The following KMT2B variants were observed in gnomAD, a reference collection of about 807,000 sequenced individuals.
KMT2B encodes the protein histone-lysine N-methyltransferase 2B.
Under a neutral mutation model 255.3 loss-of-function variants are expected in KMT2B, and 22 were observed. The observed-to-expected ratio is 0.09, with a 90% CI of 0.06 to 0.12. The LOEUF (loss-of-function observed/expected upper bound fraction) is 0.12. KMT2B is among the 10% of genes least tolerant of loss of function. KMT2B has a pLI of 1.00. For missense variants in KMT2B, 3,149 were observed against 3,737.0 expected (o/e 0.84, Z 4.10); for synonymous variants, 1,730 against 1,498.1 (o/e 1.15, Z -3.57).
At chr19:35,730,940 T>C in intron 26 of KMT2B, 73 bp downstream of exon 26, 2 of 1,455,220 alleles carry the variant, frequency 1.4e-6, no homozygotes, top group Non-Finnish European at 1.8e-6. Context: ...TGTTCCCCGC[T>C]CCCTTTTGGA....
At position 35,720,947 on chromosome 19, in the gene KMT2B, G is replaced by T. The variant is rs1417474038; in HGVS notation, c.1600G>T (p.Ala534Ser). The change falls in exon 3 of 37, where the codon GCC (alanine) becomes TCC (serine). Residue 534 changes from alanine (A) to serine (S), a missense_variant. Physicochemically the swap from Ala to Ser is moderately conservative, Grantham distance 99. Coordinates refer to ENST00000420124, the MANE Select transcript of KMT2B (RefSeq NM_014727.3). ...IRQFIMPVVS[A>S]RSSRVIKTPR... ...GCAGTTTATTATGCCTGTGGTGAGT[G>T]CCCGCTCCTCCCGTGTCATCAAGAC... is the stretch of plus-strand genomic sequence containing the variant. The T allele has an allele frequency of 1.9e-6, 3 of 1,611,940 alleles. No homozygotes were observed. The highest frequency in any genetic ancestry group is 2.5e-6 in the Non-Finnish European group (3 of 1,179,292).
intron 23 of KMT2B, 35 bp downstream of exon 23, chr19:35,730,160 C>T (rs575147393): frequency 8.1e-6 from 13 of 1,612,376 alleles, no homozygotes; most frequent in Admixed American, 6.7e-5. Flanking sequence ...GGTTCCTTCC[C>T]CACCTCTCTT....
rs1226047761 is a variant in KMT2B at position 35,737,163 on chromosome 19, C to T, written c.7450C>T (p.Arg2484Cys). ...GGCCGAGCAGCTCCCCGGAGCCCAG[C>T]GTTGCCAGCACTATAAGTTCCGTTA... ...FLAEQLPGAQ[R>C]CQHYKFRYHQ... Residue 2484 changes from arginine (R) to cysteine (C), a missense_variant, in exon 33 of 37, where the codon CGT (arginine) becomes TGT (cysteine). Transcript: ENST00000420124. This position sits in a 1 kb window ranked among gnomAD's most constrained non-coding sequence, Gnocchi z 5.3. The T allele has an allele frequency of 3.1e-6, 5 of 1,608,448 alleles. No individual in the cohort carries two copies. The highest frequency in any genetic ancestry group is 2.2e-5 in the East Asian group (1 of 44,636).
chr19:35,721,209 C>CAA lies in KMT2B; in HGVS notation c.1862_1863insAA (p.Pro622IlefsTer39). On this transcript the variant is annotated frameshift_variant, in exon 3 of 37. Coordinates refer to ENST00000420124, the MANE Select transcript of KMT2B (RefSeq NM_014727.3). LOFTEE classifies it high-confidence loss of function. ...TCACTGACCCGGGAGCTGCCCCCTC[C>CAA]TCCCCCAGCCCCTCCACCTCCCCCG... The CAA allele has an allele frequency of 6.6e-7, 1 of 1,516,566 alleles. No homozygotes were observed. The highest frequency in any genetic ancestry group is 8.9e-7 in the Non-Finnish European group (1 of 1,126,514). 93.9% of individuals were successfully genotyped at this position (1,516,566 alleles called of 1,614,324 possible). A position where few individuals can be genotyped will look rare whatever the true frequency, so the allele number is the denominator to read the frequency against.
In KMT2B at chr19:35,721,504, G is replaced by A. The variant is rs1599672437; in HGVS notation, c.2157G>A (p.Val719=). The A allele has an allele frequency of 6.2e-7, 1 of 1,612,254 alleles. No individual in the cohort carries two copies. Among genetic ancestry groups the A allele is most frequent in the East Asian group, 2.2e-5 (1 of 44,860 alleles). The change falls in exon 3 of 37, where the codon GTG becomes GTA. Residue 719 remains valine, a synonymous_variant. Coordinates refer to ENST00000420124, the MANE Select transcript of KMT2B (RefSeq NM_014727.3). ...PVVTTPVKAE[V]SPHGAPALSN... is the part of the protein sequence containing the mutation. ...TCACCACTCCTGTTAAGGCCGAGGTGTCCCCTCACGGGGCTCCAGCTCTGA... is the reference window on the plus strand; with the variant it reads ...TCACCACTCCTGTTAAGGCCGAGGTATCCCCTCACGGGGCTCCAGCTCTGA...
rs1226562736 is a variant in KMT2B, at chr19:35,726,482, C to T, written c.4003+129C>T. ...TGTAGCTATGGGACTATCTCTTCAA[C>T]TCAGGGAACTCTTCCACAGGAGTCC... On this transcript the variant is annotated intron_variant, in intron 14 of 36. Transcript: ENST00000420124. 1.9e-5 allele frequency: 13 copies of T among 672,944 alleles called. No homozygotes were observed. The East Asian group carries it at 3.6e-4, about 19-fold the overall frequency. The allele number at this position is 672,944 out of a possible 1,614,324, so 41.7% of individuals were successfully genotyped here. A position where few individuals can be genotyped will look rare whatever the true frequency, so the allele number is the denominator to read the frequency against.
chr19:35,723,407 C>T lies in KMT2B; in HGVS notation c.3003-40C>T, dbSNP rs1386949119. 1 of 1,547,922 alleles carries T rather than the reference C, an allele frequency of 6.5e-7. No individual in the cohort carries two copies. Among genetic ancestry groups the T allele is most frequent in the Non-Finnish European group, 8.7e-7 (1 of 1,143,482 alleles). ...GAGCTTCCTCTCTTCCCCCAGACCA[C>T]CAGTCCCCTACCCTGGTGACGTGCT... On this transcript the variant is annotated intron_variant, in intron 6 of 36. Transcript: ENST00000420124. The surrounding 1 kb of genome is among the most constrained non-coding windows in gnomAD (Gnocchi z 7.5).
Position 35,732,474 on chromosome 19 carries a change from A to G in KMT2B, c.5925A>G (p.Pro1975=), listed in dbSNP as rs1240744939. 1.2e-6 allele frequency: 2 copies of G among 1,613,688 alleles called. No homozygotes were observed. The highest frequency in any genetic ancestry group is 1.7e-6 in the Non-Finnish European group (2 of 1,179,822). Residue 1975 remains proline, a synonymous_variant, in exon 28 of 37, where the codon CCA becomes CCG. Transcript: ENST00000420124. ...PSPPPPEDLG[P]DFEDMEVVSG... is the part of the protein sequence containing the mutation. Reference sequence around the variant, plus strand: ...CACCACCCCCTGAAGACCTGGGCCCAGACTTCGAGGACATGGAGGTGGTGT... The same window carrying G: ...CACCACCCCCTGAAGACCTGGGCCCGGACTTCGAGGACATGGAGGTGGTGT...
chr19:35,727,494 C>T lies in KMT2B; in HGVS notation c.4174C>T (p.Pro1392Ser). The T allele has an allele frequency of 6.2e-7, 1 of 1,612,260 alleles. No individual in the cohort carries two copies. Among genetic ancestry groups the T allele is most frequent in the South Asian group, 1.1e-5 (1 of 91,078 alleles). Residue 1392 changes from proline to serine, a missense_variant, in exon 16 of 37, where the codon CCG becomes TCG. By Grantham distance (74) the Pro-to-Ser change is moderately conservative. Coordinates refer to ENST00000420124, the MANE Select transcript of KMT2B (RefSeq NM_014727.3). The surrounding 1 kb of genome is among the most constrained non-coding windows in gnomAD (Gnocchi z 4.2). ...LPDSVLYTCG[P>S]CAGAAQPRWR... ...AGACTCGGTGCTGTACACCTGCGGA[C>T]CGTGTGCTGGGGCAGCGCAGCCCCG...
Position 35,731,978 on chromosome 19 carries a change from G to C in KMT2B, c.5508G>C (p.Ser1836=), listed in dbSNP as rs779845700. 1 of 1,613,724 alleles carries C rather than the reference G, an allele frequency of 6.2e-7. No individual in the cohort carries two copies. Among genetic ancestry groups the C allele is most frequent in the Non-Finnish European group, 8.5e-7 (1 of 1,179,802 alleles). ...TCCCTGGAGCTCCTGAGCGCCACTC[G>C]CCCATTCAGAACCTGGACCCTCCAC... ...VLVPGAPERH[S]PIQNLDPPLR... is the part of the protein sequence containing the mutation. The change falls in exon 27 of 37, where the codon TCG becomes TCC. Residue 1836 remains serine (S), a synonymous_variant. Transcript: ENST00000420124.
In KMT2B at chr19:35,719,866, C is replaced by G. The variant is rs375244657; in HGVS notation, c.519C>G (p.Pro173=). 6 of 1,613,352 alleles carry G rather than the reference C, an allele frequency of 3.7e-6. No homozygotes were observed. The highest frequency in any genetic ancestry group is 5.1e-6 in the Non-Finnish European group (6 of 1,179,832). ...GCCTAGCAGATGTGGCTCCTACCCC[C>G]CCAAAGACCCCTGCCCGGAAACGGG... The part of the protein sequence containing the change: ...PPRLADVAPT[P]PKTPARKRGE... Residue 173 remains proline (P), a synonymous_variant, in exon 3 of 37, where the codon CCC becomes CCG. Transcript: ENST00000420124.
In KMT2B at chr19:35,733,294, G is replaced by T. The variant is rs1285951834; in HGVS notation, c.6745G>T (p.Val2249Phe). Residue 2249 changes from valine to phenylalanine, a missense_variant, in exon 28 of 37, where the codon GTC (valine) becomes TTC (phenylalanine). This residue lies in a region of KMT2B where 897 missense variants were observed against 825.3 expected (regional missense o/e 1.09). Transcript: ENST00000420124. The surrounding 1 kb of genome is among the most constrained non-coding windows in gnomAD (Gnocchi z 4.3). ...LLGVLPVVGV[V>F]RPAPPPPPPP... ...CGGCGTGCTGCCCGTGGTCGGAGTG[G>T]TCCGCCCTGCCCCGCCCCCGCCACC... The T allele has an allele frequency of 1.4e-6, 2 of 1,479,942 alleles. No individual in the cohort carries two copies. The highest frequency in any genetic ancestry group is 4.0e-5 in the Admixed American group (2 of 50,564). 91.7% of individuals were successfully genotyped at this position (1,479,942 alleles called of 1,614,324 possible).
intron 30 of KMT2B, 136 bp downstream of exon 30, chr19:35,734,008 G>C (rs1969826777): frequency 1.6e-6 from 1 of 635,310 alleles, no homozygotes; most frequent in Admixed American, 2.9e-5. Flanking sequence ...GCTAGAGTTA[G>C]AGATGACCTT....
In KMT2B at chr19:35,718,858, C is replaced by T. The variant is rs1238006346; in HGVS notation, c.363+477C>T. 1.3e-5 allele frequency among the ~76,000 whole-genome samples: 2 copies of T among 152,198 alleles called. No homozygotes were observed. Among genetic ancestry groups the T allele is most frequent in the African/African-American group, 4.8e-5 (2 of 41,454 alleles). ...CAGGTAGAGTGGTGGAGGGCTTCCT[C>T]TTGGGGCTCGGGTTGAACAGGAGTG... On this transcript the variant is annotated intron_variant, in intron 1 of 36. Coordinates refer to ENST00000420124, the MANE Select transcript of KMT2B (RefSeq NM_014727.3). The surrounding 1 kb of genome is among the most constrained non-coding windows in gnomAD (Gnocchi z 5.0).
Position 35,721,071 on chromosome 19 carries a change from A to G in KMT2B, c.1724A>G (p.Gln575Arg). 1 of 1,557,140 alleles carries G rather than the reference A, an allele frequency of 6.4e-7. No homozygotes were observed. Among genetic ancestry groups the G allele is most frequent in the Non-Finnish European group, 8.6e-7 (1 of 1,158,974 alleles). ...ATTACCACCTCCCCACCTGTTCCCC[A>G]GGAGCCAGCACCAGTCCCCTCTCCA... ...PPITTSPPVP[Q>R]EPAPVPSPPR... is the part of the protein sequence containing the mutation. Residue 575 changes from glutamine to arginine, a missense_variant, in exon 3 of 37, where the codon CAG becomes CGG. This residue lies in a region of KMT2B where 1,188 missense variants were observed against 1,106.4 expected (regional missense o/e 1.07). Coordinates refer to ENST00000420124, the MANE Select transcript of KMT2B (RefSeq NM_014727.3).
chr19:35,724,097 C>CT, intron 8 of KMT2B, 90 bp downstream of exon 8: 6 of 1,285,096 alleles, frequency 4.7e-6, no homozygotes, highest in Non-Finnish European at 6.4e-6. Context: ...ACCCAGGGCT[C>CT]TGTCAGTCTG....
chr19:35,725,363 C>G lies in KMT2B; in HGVS notation c.3642+30C>G. ...GATCTCTGCCTTTCTTCACAGACCC[C>G]CAGCTCTCTGTCGGTCCTCACGGCC... On this transcript the variant is annotated intron_variant, in intron 11 of 36. Transcript: ENST00000420124. This position sits in a 1 kb window ranked among gnomAD's most constrained non-coding sequence, Gnocchi z 4.1. 1 of 1,558,834 alleles carries G rather than the reference C, an allele frequency of 6.4e-7. No individual in the cohort carries two copies. Among genetic ancestry groups the G allele is most frequent in the Non-Finnish European group, 8.7e-7 (1 of 1,150,974 alleles).
chr19:35,722,397 T>A lies in KMT2B; in HGVS notation c.2496T>A (p.Ala832=). The A allele has an allele frequency of 6.2e-7, 1 of 1,611,084 alleles. No homozygotes were observed. The highest frequency in any genetic ancestry group is 8.5e-7 in the Non-Finnish European group (1 of 1,179,774). The change falls in exon 4 of 37, where the codon GCT becomes GCA. Residue 832 remains alanine, a synonymous_variant. Coordinates refer to ENST00000420124, the MANE Select transcript of KMT2B (RefSeq NM_014727.3). ...PGGQMEEVAG[A]VKQISDRGPV... ...GGCAGATGGAGGAGGTGGCCGGGGCTGTCAAGCAGATCTCCGACAGAGGCC... is the reference window on the plus strand; with the variant it reads ...GGCAGATGGAGGAGGTGGCCGGGGCAGTCAAGCAGATCTCCGACAGAGGCC...
chr19:35,724,115 AG>A, intron 8 of KMT2B, 108 bp downstream of exon 8: 1 of 1,109,416 alleles, frequency 9.0e-7, no homozygotes, highest in South Asian at 1.6e-5. Context: ...CTGATAGAGA[AG>A]GTGGCTGAGG....
Sources: gnomAD v4.1 joint callset for allele counts (sites outside exome capture counted in the v4.1 genomes callset) on GRCh38, gnomAD v4.1.1 for gene constraint, gnomAD v4.1.1 regional missense constraint, Gnocchi (gnomAD v3.1) non-coding constraint, MANE v1.5 for transcripts, NCBI Gene and HGNC (gene_info 2026-07-23, HGNC 2026-07-21) for gene names.